ACTR3C: variants seen among roughly 807,000 people sequenced by gnomAD.
ACTR3C encodes the protein actin-related protein 3C.
ACTR3C carries 18 observed loss-of-function variants against 26.3 expected under a neutral mutation model. That is an observed-to-expected ratio of 0.68 (90% CI 0.47 to 1.01). The LOEUF (loss-of-function observed/expected upper bound fraction) is 1.01. Ranked by LOEUF, ACTR3C falls within the 50% of genes least tolerant of loss-of-function variation. The pLI, the probability that ACTR3C is intolerant of heterozygous loss-of-function variation, is 0.00. For missense variants in ACTR3C, 184 were observed against 250.7 expected, an observed-to-expected ratio of 0.73 and a Z score of 1.80; for synonymous variants, 55 against 94.5, an observed-to-expected ratio of 0.58 and a Z score of 2.42.
chr7:150,061,429 T>C, the ACTR3C span, among the ~76,000 whole-genome samples: 2 of 151,482 alleles, frequency 1.3e-5, no homozygotes, highest in African/African-American at 2.4e-5. Flanking sequence ...AAACTGGCAA[T>C]GTACCTGGGA....
At chr7:149,925,730 G>A in the ACTR3C span, among the ~76,000 whole-genome samples, 15,726 of 151,752 alleles carry the variant, frequency 0.1, 884 homozygotes, top group East Asian at 0.22. Context: ...ATGAATTAGA[G>A]ATTTAAATGA....
At chr7:150,133,516 T>G in the ACTR3C span, among the ~76,000 whole-genome samples, 1 of 152,138 alleles carries the variant, frequency 6.6e-6, no homozygotes, top group Non-Finnish European at 1.5e-5. Context: ...TCACATATCA[T>G]GCTGAGCTTA....
chr7:150,170,781 C>T, the ACTR3C span, among the ~76,000 whole-genome samples: 1 of 149,560 alleles, frequency 6.7e-6, no homozygotes, highest in South Asian at 2.1e-4. Context: ...CAAATCAAAT[C>T]ATTCACCAAA....
the ACTR3C span, among the ~76,000 whole-genome samples, chr7:150,019,270 G>T: frequency 2.0e-5 from 3 of 150,302 alleles, 1 homozygote; most frequent in African/African-American, 7.5e-5. Flanking sequence ...CCAGGGTTTT[G>T]TGAAAGAATT....
the ACTR3C span, among the ~76,000 whole-genome samples, chr7:150,070,285 C>T: frequency 6.6e-6 from 1 of 152,176 alleles, no homozygotes; most frequent in Admixed American, 6.5e-5. Flanking sequence ...ACACCTGGTG[C>T]CCTCACCACC....
chr7:149,945,318 A>ACAGGCTGCAGGGTCTGGGG, the ACTR3C span, among the ~76,000 whole-genome samples: 1 of 118,872 alleles, frequency 8.4e-6, no homozygotes, highest in Non-Finnish European at 1.9e-5. Flanking sequence ...TCCATCAGTG[A>ACAGGCTGCAGGGTCTGGGG]CAACCTCCCA....
At chr7:150,050,581 C>T in the ACTR3C span, among the ~76,000 whole-genome samples, 1 of 152,076 alleles carries the variant, frequency 6.6e-6, no homozygotes, top group Non-Finnish European at 1.5e-5. Context: ...GCAAATCTCA[C>T]AATTAAGCAG....
At chr7:150,303,297 A>G (rs1795571315) in intron 1 of ACTR3C, among the ~76,000 whole-genome samples, 1 of 152,216 alleles carries the variant, frequency 6.6e-6, no homozygotes, top group Non-Finnish European at 1.5e-5. Flanking sequence ...CTGGAGGTGC[A>G]GTAATCAACT....
chr7:150,008,377 G>A, the ACTR3C span, among the ~76,000 whole-genome samples: 3 of 152,246 alleles, frequency 2.0e-5, no homozygotes, highest in Non-Finnish European at 4.4e-5. Context: ...TCTCCACTGT[G>A]CTGCCTGACA....
At chr7:150,112,233 C>T in the ACTR3C span, among the ~76,000 whole-genome samples, 3 of 152,068 alleles carry the variant, frequency 2.0e-5, no homozygotes, top group Non-Finnish European at 4.4e-5. Flanking sequence ...ACTCATGGGG[C>T]TGGGAACGGC....
chr7:149,938,614 A>T, the ACTR3C span, among the ~76,000 whole-genome samples: 1 of 152,178 alleles, frequency 6.6e-6, no homozygotes, highest in Non-Finnish European at 1.5e-5. Context: ...CATCCAGATT[A>T]TTCAATTCCA....
the ACTR3C span, among the ~76,000 whole-genome samples, chr7:149,933,132 A>G: frequency 1.6e-5 from 2 of 128,120 alleles, no homozygotes; most frequent in African/African-American, 5.7e-5. Flanking sequence ...ACACACCTGC[A>G]CAGTAGTGGC....
chr7:150,003,604 T>C, the ACTR3C span, among the ~76,000 whole-genome samples: 11 of 152,288 alleles, frequency 7.2e-5, no homozygotes, highest in Admixed American at 2.6e-4. Flanking sequence ...GTGTGGTATG[T>C]TATCTGGTGT....
the ACTR3C span, among the ~76,000 whole-genome samples, chr7:149,966,774 C>G: frequency 1.3e-5 from 2 of 152,158 alleles, no homozygotes; most frequent in Non-Finnish European, 2.9e-5. Flanking sequence ...ATGTCACACA[C>G]CCCTCACTAG....
In ACTR3C at chr7:150,274,029, C is replaced by T. The variant is rs565424969; in HGVS notation, c.564+10724G>A. Among the ~76,000 whole-genome samples, 1 of 151,802 alleles carries T rather than the reference C, an allele frequency of 6.6e-6. No individual in the cohort carries two copies. The highest frequency in any genetic ancestry group is 2.1e-4 in the South Asian group (1 of 4,808). The stretch of plus-strand genomic sequence containing the variant: ...TGAATCTGACATATCAAAATGGTCG[C>T]CCTCTTGAGATGTGTTTCAGGTAGG... On this transcript the variant is annotated intron_variant, in intron 6 of 7. Coordinates refer to ENST00000683684, the MANE Select transcript of ACTR3C (RefSeq NM_001164458.2). This position sits in a 1 kb window ranked among gnomAD's most constrained non-coding sequence, Gnocchi z 4.1.
chr7:150,065,055 C>T, the ACTR3C span, among the ~76,000 whole-genome samples: 1 of 151,514 alleles, frequency 6.6e-6, no homozygotes, highest in Non-Finnish European at 1.5e-5. Context: ...TGGATAAATG[C>T]CTCTCTAGAT....
the ACTR3C span, among the ~76,000 whole-genome samples, chr7:150,033,864 A>T: frequency 9.5e-6 from 1 of 105,602 alleles, no homozygotes; most frequent in Non-Finnish European, 1.9e-5. Context: ...AGCGATGGGG[A>T]TCCTAAGAGC....
At chr7:149,912,677 A>G in the ACTR3C span, among the ~76,000 whole-genome samples, 1 of 151,914 alleles carries the variant, frequency 6.6e-6, no homozygotes, top group African/African-American at 2.4e-5. Context: ...TAATTTTTGT[A>G]TTTTTAGTAG....
the ACTR3C span, among the ~76,000 whole-genome samples, chr7:150,149,129 A>C: frequency 8.5e-6 from 1 of 117,594 alleles, no homozygotes; most frequent in Non-Finnish European, 1.7e-5. Context: ...ATATATATGC[A>C]TTGGCCATTT....
Sources: gnomAD v4.1 joint callset for allele counts (sites outside exome capture counted in the v4.1 genomes callset) on GRCh38, gnomAD v4.1.1 for gene constraint, Gnocchi (gnomAD v3.1) non-coding constraint, MANE v1.5 for transcripts, NCBI Gene and HGNC (gene_info 2026-07-23, HGNC 2026-07-21) for gene names.